The following COL4A3 variants were observed in gnomAD, a reference collection of about 807,000 sequenced individuals.
COL4A3 encodes collagen type IV alpha 3 chain.
In COL4A3, 135 loss-of-function variants were observed where a neutral mutation model predicts 217.4. The ratio of observed to expected loss-of-function variants is 0.62; its 90% CI spans 0.54 to 0.72. COL4A3 has a LOEUF of 0.72. COL4A3 is among the 30% of genes least tolerant of loss of function. The pLI, the probability that COL4A3 is intolerant of heterozygous loss-of-function variation, is 0.00. For missense variants in COL4A3, 1,868 were observed against 2,119.9 expected, an observed-to-expected ratio of 0.88 and a Z score of 2.33; for synonymous variants, 690 against 736.3, an observed-to-expected ratio of 0.94 and a Z score of 1.02.
At chr2:227,302,727 T>A (rs1362284386) in intron 43 of COL4A3, among the ~76,000 whole-genome samples, 1 of 136,134 alleles carries the variant, frequency 7.3e-6, no homozygotes, top group Non-Finnish European at 1.6e-5. Context: ...AGTACTGGGC[T>A]ACTCCATTTA....
In COL4A3 at chr2:227,297,796, C is replaced by T; in HGVS notation, c.3688C>T (p.Pro1230Ser). Residue 1230 changes from proline to serine, a missense_variant, in exon 42 of 52, where the codon CCC (proline) becomes TCC (serine). Physicochemically the swap from Pro to Ser is moderately conservative, Grantham distance 74. Coordinates refer to ENST00000396578, the MANE Select transcript of COL4A3 (RefSeq NM_000091.5). Reference sequence around the variant, plus strand: ...AGGATTCCCAGGGCCACCAGGTCTGCCCGGTGCAATTATCCCTGGCCAGAC... The same window carrying T: ...AGGATTCCCAGGGCCACCAGGTCTGTCCGGTGCAATTATCCCTGGCCAGAC... ...IEGFPGPPGL[P>S]GAIIPGQTGN... The T allele has an allele frequency of 6.3e-7, 1 of 1,575,492 alleles. No homozygotes were observed. The highest frequency in any genetic ancestry group is 1.2e-5 in the South Asian group (1 of 85,778).
At chr2:227,203,286 T>C (rs1369519340) in intron 1 of COL4A3, among the ~76,000 whole-genome samples, 1 of 88,872 alleles carries the variant, frequency 1.1e-5, no homozygotes, top group Admixed American at 1.2e-4. Flanking sequence ...TGTGTATATA[T>C]ACATATATGT....
At chr2:227,273,848 C>T (rs1000126394) in intron 26 of COL4A3, among the ~76,000 whole-genome samples, 10 of 152,104 alleles carry the variant, frequency 6.6e-5, no homozygotes, top group African/African-American at 2.2e-4. Flanking sequence ...ATATACTGGC[C>T]GTAGTTCTGG....
rs1207908108 is a variant in COL4A3 at position 227,253,721 on chromosome 2, C to T, written c.765+83C>T. ...TGTGACCCTGCACCTCTTTTACAAGCTCTTGTTATCTAAGTCCAGCTCAGC... is the reference window on the plus strand; with the variant it reads ...TGTGACCCTGCACCTCTTTTACAAGTTCTTGTTATCTAAGTCCAGCTCAGC... On this transcript the variant is annotated intron_variant, in intron 13 of 51. Coordinates refer to ENST00000396578, the MANE Select transcript of COL4A3 (RefSeq NM_000091.5). The surrounding 1 kb of genome is among the most constrained non-coding windows in gnomAD (Gnocchi z 4.4). 50 of 1,178,936 alleles carry T rather than the reference C, an allele frequency of 4.2e-5. No homozygotes were observed. The East Asian group carries it at 1.1e-3, about 26-fold the overall frequency. The allele number at this position is 1,178,936 out of a possible 1,614,324, so 73.0% of individuals were successfully genotyped here. A position where few individuals can be genotyped will look rare whatever the true frequency, so the allele number is the denominator to read the frequency against.
At chr2:227,238,184 A>G (rs541956078) in intron 2 of COL4A3, 160 bp downstream of exon 2, 127 of 525,794 alleles carry the variant, frequency 2.4e-4, no homozygotes, top group African/African-American at 2.2e-3. Flanking sequence ...CCTAAAAAAA[A>G]AAAAAGAAAA....
intron 1 of COL4A3, among the ~76,000 whole-genome samples, chr2:227,170,889 CTG>C (rs2065451658): frequency 6.6e-6 from 1 of 152,134 alleles, no homozygotes; most frequent in African/African-American, 2.4e-5. Context: ...TTTATTTAGT[CTG>C]TATCTATTTT....
intron 9 of COL4A3, 24 bp from the exon 10 acceptor site, chr2:227,251,110 ACTTACT>A: frequency 6.5e-7 from 1 of 1,549,270 alleles, no homozygotes; most frequent in Non-Finnish European, 8.9e-7. Flanking sequence ...GTAAATTTAA[ACTTACT>A]CTTATTCTTC....
chr2:227,227,525 C>T (rs2068164260), intron 1 of COL4A3, among the ~76,000 whole-genome samples: 1 of 151,274 alleles, frequency 6.6e-6, no homozygotes, highest in African/African-American at 2.4e-5. Context: ...AAGACTCCAT[C>T]TCAAAAAAAA....
In COL4A3 at chr2:227,245,939, T is replaced by C. The variant is rs764631177; in HGVS notation, c.325-15T>C. The C allele has an allele frequency of 2.5e-6, 4 of 1,611,860 alleles. No homozygotes were observed. The African/African-American group carries it at 5.3e-5, about 22-fold the overall frequency. On this transcript the variant is annotated splice_polypyrimidine_tract_variant and intron_variant, in intron 5 of 51. Coordinates refer to ENST00000396578, the MANE Select transcript of COL4A3 (RefSeq NM_000091.5). ...TTGGGATGACCCTCCTCATTGAGACTTGTTCTTCTTCCAGGGCACCCCAGG... is the reference window on the plus strand; with the variant it reads ...TTGGGATGACCCTCCTCATTGAGACCTGTTCTTCTTCCAGGGCACCCCAGG...
At chr2:227,246,539 A>G (rs2069349663) in intron 6 of COL4A3, 146 bp from the exon 7 acceptor site, 1 of 693,990 alleles carries the variant, frequency 1.4e-6, no homozygotes. Flanking sequence ...TTTGGTCTTC[A>G]GCCTCATGAC....
At chr2:227,269,877 T>C (rs2071135772) in intron 23 of COL4A3, 33 bp from the exon 24 acceptor site, 2 of 1,593,502 alleles carry the variant, frequency 1.3e-6, no homozygotes, top group Non-Finnish European at 8.6e-7. Context: ...TGGCGTTCAA[T>C]GAGGAGTTAG....
intron 1 of COL4A3, among the ~76,000 whole-genome samples, chr2:227,197,837 T>G (rs777288821): frequency 3.3e-5 from 5 of 152,196 alleles, no homozygotes; most frequent in Non-Finnish European, 7.3e-5. Context: ...TTACAACAAT[T>G]ATCTCATTTC....
intron 9 of COL4A3, among the ~76,000 whole-genome samples, chr2:227,249,718 G>A (rs1429420817): frequency 6.6e-6 from 1 of 152,086 alleles, no homozygotes; most frequent in Non-Finnish European, 1.5e-5. Flanking sequence ...GCAATTAGGA[G>A]CCATTATAGG....
In COL4A3 at chr2:227,294,508, G is replaced by A. The variant is rs764480728; in HGVS notation, c.3356G>A (p.Gly1119Asp). 4.3e-6 allele frequency: 7 copies of A among 1,613,004 alleles called. No homozygotes were observed. The South Asian group carries it at 5.5e-5, about 13-fold the overall frequency. The change falls in exon 39 of 52, where the codon GGT becomes GAT. Residue 1119 changes from glycine to aspartate, a missense_variant. By Grantham distance (94) the Gly-to-Asp change is moderately conservative. Transcript: ENST00000396578. ...TTTCCAGGAAAGCCAGGTCCTCATG[G>A]TGATTTGGGTTTTAAAGGAATCAAA... ...PGLPGKPGPHGDLGFKGIKGL... is the reference protein window; with the variant it reads ...PGLPGKPGPHDDLGFKGIKGL...
Position 227,282,445 on chromosome 2 carries a change from T to C in COL4A3, c.2569T>C (p.Ser857Pro), listed in dbSNP as rs757208504. Residue 857 changes from serine (S) to proline (P), a missense_variant, in exon 32 of 52, where the codon TCA becomes CCA. Ser to Pro is a moderately conservative substitution (Grantham distance 74, BLOSUM62 -1). Coordinates refer to ENST00000396578, the MANE Select transcript of COL4A3 (RefSeq NM_000091.5). This position sits in a 1 kb window ranked among gnomAD's most constrained non-coding sequence, Gnocchi z 4.4. ...DRSGFPGETG[S>P]PGIPGHQGEM... The stretch of plus-strand genomic sequence containing the variant: ...ATCAGGATTTCCTGGAGAAACTGGA[T>C]CACCAGGAATTCCAGGTCATCAAGG... 1.2e-6 allele frequency: 2 copies of C among 1,613,768 alleles called. No homozygotes were observed. The highest frequency in any genetic ancestry group is 2.2e-5 in the East Asian group (1 of 44,866).
intron 42 of COL4A3, 61 bp from the exon 43 acceptor site, chr2:227,298,621 G>A (rs766585817): frequency 1.5e-5 from 24 of 1,607,992 alleles, no homozygotes; most frequent in Non-Finnish European, 1.9e-5. Context: ...AACAATCACT[G>A]ATAAATAGAA....
rs1317246081 is a variant in COL4A3, at chr2:227,267,073, G to A, written c.1489G>A (p.Val497Ile). 1.9e-6 allele frequency: 3 copies of A among 1,613,458 alleles called. No individual in the cohort carries two copies. The highest frequency in any genetic ancestry group is 2.5e-6 in the Non-Finnish European group (3 of 1,179,532). Residue 497 changes from valine to isoleucine, a missense_variant, in exon 23 of 52, where the codon GTA (valine) becomes ATA (isoleucine). Coordinates refer to ENST00000396578, the MANE Select transcript of COL4A3 (RefSeq NM_000091.5). Reference protein sequence around the residue: ...GLPGLPGLHGVKGIPGRQGAA... With the variant: ...GLPGLPGLHGIKGIPGRQGAA... ...CCCAGGATTGCCAGGGTTACATGGT[G>A]TAAAAGGAATCCCAGGTACAAACAA...
Position 227,293,197 on chromosome 2 carries a change from C to A in COL4A3, c.3217C>A (p.Pro1073Thr). The change falls in exon 38 of 52, where the codon CCA becomes ACA. Residue 1073 changes from proline to threonine, a missense_variant. Coordinates refer to ENST00000396578, the MANE Select transcript of COL4A3 (RefSeq NM_000091.5). Reference sequence around the variant, plus strand: ...GTATTTGACTACATTTAAGGGGGATCCAGGACTGCCGGGTGATATGGGAAA... The same window carrying A: ...GTATTTGACTACATTTAAGGGGGATACAGGACTGCCGGGTGATATGGGAAA... ...RPGPPGPTGDPGLPGDMGKKG... is the reference protein window; with the variant it reads ...RPGPPGPTGDTGLPGDMGKKG... 6.2e-7 allele frequency: 1 copy of A among 1,613,840 alleles called. No homozygotes were observed. Among genetic ancestry groups the A allele is most frequent in the Non-Finnish European group, 8.5e-7 (1 of 1,179,990 alleles).
chr2:227,264,502 G>A (rs1029555558), intron 21 of COL4A3, among the ~76,000 whole-genome samples: 4 of 152,170 alleles, frequency 2.6e-5, no homozygotes, highest in Middle Eastern at 3.2e-3. Flanking sequence ...AAAGGGGTCA[G>A]AGATGACAGA....
Sources: allele counts gnomAD v4.1 joint callset (sites outside exome capture counted in the v4.1 genomes callset), GRCh38; gene constraint gnomAD v4.1.1; non-coding constraint Gnocchi (gnomAD v3.1); transcripts MANE v1.5; gene names NCBI Gene and HGNC (gene_info 2026-07-23, HGNC 2026-07-21).